The following ATP13A2 variants were observed in gnomAD, a reference collection of about 807,000 sequenced individuals.
The protein encoded by ATP13A2 is ATPase cation transporting 13A2.
ATP13A2 carries 83 observed loss-of-function variants against 138.3 expected under a neutral mutation model. That is an observed-to-expected ratio of 0.60 (90% CI 0.50 to 0.72). ATP13A2 has a LOEUF of 0.72. ATP13A2 is among the 30% of genes least tolerant of loss of function. The probability of loss-of-function intolerance (pLI) is 0.00; values close to 1 mark genes in which losing one functional copy is unlikely to be tolerated. For synonymous variants in ATP13A2, 663 were observed against 699.0 expected, an observed-to-expected ratio of 0.95 and a Z score of 0.81; for missense variants, 1,402 against 1,606.4, an observed-to-expected ratio of 0.87 and a Z score of 2.17.
Position 17,011,859 on chromosome 1 carries a change from G to A in ATP13A2, c.-121C>T, listed in dbSNP as rs538969006. On this transcript the variant is annotated 5_prime_UTR_variant, in exon 1 of 29. Coordinates refer to ENST00000326735, the MANE Select transcript of ATP13A2 (RefSeq NM_022089.4). The surrounding 1 kb of genome is among the most constrained non-coding windows in gnomAD (Gnocchi z 7.3). ...GCCCGGGGCGAGGGGCGCTGGGCTA[G>A]CGCGGGGCTGGAGCAGGGCTGACGC... is the stretch of plus-strand genomic sequence containing the variant. 15 of 961,832 alleles carry A rather than the reference G, an allele frequency of 1.6e-5. No individual in the cohort carries two copies. In the Admixed American group the frequency reaches 5.0e-4, roughly 32 times the overall value. 59.6% of individuals were successfully genotyped at this position (961,832 alleles called of 1,614,324 possible). A position where few individuals can be genotyped will look rare whatever the true frequency, so the allele number is the denominator to read the frequency against.
Position 16,990,148 on chromosome 1 carries a change from G to A in ATP13A2, c.2391C>T (p.Pro797=). The A allele has an allele frequency of 6.2e-7, 1 of 1,614,162 alleles. No individual in the cohort carries two copies. The highest frequency in any genetic ancestry group is 8.5e-7 in the Non-Finnish European group (1 of 1,180,022). Residue 797 remains proline (P), a synonymous_variant, in exon 21 of 29, where the codon CCC becomes CCT. Coordinates refer to ENST00000326735, the MANE Select transcript of ATP13A2 (RefSeq NM_022089.4). The part of the protein sequence containing the change: ...ASLEFLPMES[P]TAVNGVKDPD... ...TCACCTTAACGCCATTCACGGCTGT[G>A]GGGGACTCCATCGGCAGGAACTCGA...
chr1:16,996,992 C>T, intron 12 of ATP13A2, 28 bp downstream of exon 12: 2 of 1,606,994 alleles, frequency 1.2e-6, no homozygotes, highest in Non-Finnish European at 1.7e-6. Context: ...CCCGGGATCT[C>T]TCTCAAGCCC....
intron 18 of ATP13A2, 57 bp from the exon 19 acceptor site, chr1:16,992,186 C>A (rs983032757): frequency 3.1e-6 from 5 of 1,611,234 alleles, no homozygotes; most frequent in Non-Finnish European, 3.4e-6. Flanking sequence ...AGGCTGGGTA[C>A]CCACCCCATT....
chr1:16,988,949 CAG>C (rs745488081), intron 23 of ATP13A2, among the ~76,000 whole-genome samples: 3 of 148,798 alleles, frequency 2.0e-5, no homozygotes, highest in East Asian at 2.0e-4. Context: ...TTTTTTGAGA[CAG>C]AGTCTCCCTC....
Position 16,995,205 on chromosome 1 carries a change from CCTGCTCAGGGGG to C in ATP13A2, c.1542+759_1542+770del, listed in dbSNP as rs1290766717. ...GCCCCTCACTGAGGTCACTGAGGGACCTGCTCAGGGGGCTTCCTTGACTGCCTTCTCTCTAAG... is the reference window on the plus strand; with the variant it reads ...GCCCCTCACTGAGGTCACTGAGGGACCTTCCTTGACTGCCTTCTCTCTAAG... On this transcript the variant is annotated intron_variant, in intron 15 of 28. Transcript: ENST00000326735. The surrounding 1 kb of genome is among the most constrained non-coding windows in gnomAD (Gnocchi z 4.1). Among the ~76,000 whole-genome samples, 1 of 152,208 alleles carries C rather than the reference CCTGCTCAGGGGG, an allele frequency of 6.6e-6. No homozygotes were observed. The highest frequency in any genetic ancestry group is 1.5e-5 in the Non-Finnish European group (1 of 68,038).
rs200504984 is a variant in ATP13A2, at chr1:16,988,467, C to T, written c.2617G>A (p.Val873Met). 4.3e-6 allele frequency: 7 copies of T among 1,613,746 alleles called. No homozygotes were observed. Among genetic ancestry groups the T allele is most frequent in the Non-Finnish European group, 5.1e-6 (6 of 1,180,050 alleles). Residue 873 changes from valine (V) to methionine (M), a missense_variant, in exon 24 of 29, where the codon GTG (valine) becomes ATG (methionine). By Grantham distance (21) the Val-to-Met change is conservative (BLOSUM62 1). Transcript: ENST00000326735. ...VCELQKLQYC[V>M]GMCGDGANDC... ...TTGGCGCCGTCTCCGCACATGCCCA[C>T]GCAGTACCTGAAGAGAGGTGTGGAC... is the stretch of plus-strand genomic sequence containing the variant.
chr1:16,998,668 C>T (rs965702520), intron 11 of ATP13A2, among the ~76,000 whole-genome samples: 1 of 152,290 alleles, frequency 6.6e-6, no homozygotes, highest in Middle Eastern at 3.4e-3. Flanking sequence ...GACAAAGCTG[C>T]TCCTGTGGCG....
In ATP13A2 at chr1:16,989,752, C is replaced by G. The variant is rs566172222; in HGVS notation, c.2548G>C (p.Val850Leu). The G allele has an allele frequency of 6.2e-7, 1 of 1,614,104 alleles. No individual in the cohort carries two copies. The highest frequency in any genetic ancestry group is 2.2e-5 in the East Asian group (1 of 44,878). ...TGCTCAGGGGCCATGCGGGCAAAGA[C>G]AGTGCCCTGGACCAGGACCTGGGAG... ...LLPKVLVQGTVFARMAPEQKT... is the reference protein window; with the variant it reads ...LLPKVLVQGTLFARMAPEQKT... Residue 850 changes from valine to leucine, a missense_variant, in exon 23 of 29, where the codon GTC (valine) becomes CTC (leucine). Transcript: ENST00000326735.
chr1:17,005,101 C>T (rs1231298469), intron 3 of ATP13A2, 29 bp from the exon 4 acceptor site: 2 of 1,612,650 alleles, frequency 1.2e-6, no homozygotes, highest in Non-Finnish European at 1.7e-6. Context: ...GACTCAGTCT[C>T]AGAAGAGTCC....
chr1:17,001,526 C>A (rs1006867308), intron 8 of ATP13A2, among the ~76,000 whole-genome samples: 2 of 152,186 alleles, frequency 1.3e-5, no homozygotes, highest in African/African-American at 2.4e-5. Flanking sequence ...TTTCATGGTG[C>A]CTGCCCCCGA....
chr1:17,005,242 G>A (rs1057080083), intron 3 of ATP13A2, 132 bp downstream of exon 3: 48 of 1,470,126 alleles, frequency 3.3e-5, no homozygotes, highest in Non-Finnish European at 2.5e-5. Context: ...GGAAAGCTGA[G>A]GTCCAGAGAA....
chr1:17,000,799 T>A, intron 8 of ATP13A2: 1 of 449,714 alleles, frequency 2.2e-6, no homozygotes, highest in Non-Finnish European at 4.0e-6. Context: ...AAAATTAGCC[T>A]GATGGGGTGG....
chr1:17,007,696 C>T lies in ATP13A2; in HGVS notation c.11-1918G>A, dbSNP rs919592729. Among the ~76,000 whole-genome samples the T allele has an allele frequency of 1.1e-3, 166 of 152,010 alleles. 1 individual carries two copies. Among genetic ancestry groups the T allele is most frequent in the African/African-American group, 3.8e-3 (158 of 41,470 alleles). On this transcript the variant is annotated intron_variant, in intron 1 of 28. Transcript: ENST00000326735. ...CCTCCCAAGTAGCTGGGACTACAGGCGCCCGCCACCACGCCCGGCTAATTT... is the reference window on the plus strand; with the variant it reads ...CCTCCCAAGTAGCTGGGACTACAGGTGCCCGCCACCACGCCCGGCTAATTT...
chr1:16,996,216 C>T, intron 14 of ATP13A2, 38 bp downstream of exon 14: 1 of 1,614,140 alleles, frequency 6.2e-7, no homozygotes, highest in Non-Finnish European at 8.5e-7. Context: ...CCCCTGGGCC[C>T]TGCTGGCAGC....
At chr1:16,989,570 G>T in intron 23 of ATP13A2, 121 bp downstream of exon 23, 1 of 929,868 alleles carries the variant, frequency 1.1e-6, no homozygotes, top group Non-Finnish European at 1.7e-6. Flanking sequence ...TGGTGAGGAG[G>T]GGTGACAGCT....
Position 16,997,053 on chromosome 1 carries a change from C to A in ATP13A2, c.1162G>T (p.Gly388Ter), listed in dbSNP as rs773052204. The A allele has an allele frequency of 6.2e-7, 1 of 1,613,082 alleles. No homozygotes were observed. Among genetic ancestry groups the A allele is most frequent in the Non-Finnish European group, 8.5e-7 (1 of 1,179,994 alleles). ...GTCACCACTGCCAGGACGTGCGGTC[C>A]CACATAGGCCCGGGCCTGCAAGATG... ...TLILQARAYV[G>*]PHVLAVVTRT... Residue 388 changes from glycine to a stop codon, truncating the protein, a stop_gained, in exon 12 of 29, where the codon GGA becomes TGA. Transcript: ENST00000326735. LOFTEE classifies it high-confidence loss of function.
chr1:17,008,995 C>T (rs548070492), intron 1 of ATP13A2, among the ~76,000 whole-genome samples: 5 of 151,568 alleles, frequency 3.3e-5, no homozygotes, highest in African/African-American at 7.3e-5. Context: ...AACAGCCCAG[C>T]GGGCTCAGGG....
In ATP13A2 at chr1:17,000,194, G is replaced by GACCCCC; in HGVS notation, c.907+51_907+52insGGGGGT. ...GCTAGGTGGGGCCAGCCCCAGCCAT[G>GACCCCC]CCCCCCCACCCTCCCACTCCTGCCC... On this transcript the variant is annotated intron_variant, in intron 10 of 28. Coordinates refer to ENST00000326735, the MANE Select transcript of ATP13A2 (RefSeq NM_022089.4). 2.5e-6 allele frequency: 4 copies of GACCCCC among 1,570,256 alleles called. No individual in the cohort carries two copies. In the South Asian group the frequency reaches 3.4e-5, roughly 13 times the overall value.
rs370622481 is a variant in ATP13A2, at chr1:16,992,074, G to A, written c.2061C>T (p.Val687=). ...LQSYTAAGYR[V]VALASKPLPT... is the part of the protein sequence containing the mutation. ...GCAGTGGCTTGCTGGCCAGGGCCAC[G>A]ACACGGTAGCCAGCAGCTGTATAGC... is the stretch of plus-strand genomic sequence containing the variant. Residue 687 remains valine (V), a synonymous_variant, in exon 19 of 29, where the codon GTC becomes GTT. Transcript: ENST00000326735. The A allele has an allele frequency of 3.2e-5, 51 of 1,613,218 alleles. No individual in the cohort carries two copies. The highest frequency in any genetic ancestry group is 1.6e-4 in the Middle Eastern group (1 of 6,078).
Sources: allele counts gnomAD v4.1 joint callset (sites outside exome capture counted in the v4.1 genomes callset), GRCh38; gene constraint gnomAD v4.1.1; non-coding constraint Gnocchi (gnomAD v3.1); transcripts MANE v1.5; gene names NCBI Gene and HGNC (gene_info 2026-07-23, HGNC 2026-07-21).